Variants in NINL observed in about 807,000 individuals in gnomAD.
The protein encoded by NINL is ninein-like protein.
In NINL, 153 loss-of-function variants were observed where a neutral mutation model predicts 160.3. The ratio of observed to expected loss-of-function variants is 0.95; its 90% confidence interval spans 0.84 to 1.09. NINL has a LOEUF of 1.09. Among genes scored for constraint, NINL ranks in the 50% least tolerant of loss-of-function variants. The pLI, the probability that NINL is intolerant of heterozygous loss-of-function variation, is 0.00. For synonymous variants in NINL, 800 were observed against 734.8 expected, an observed-to-expected ratio of 1.09 and a Z score of -1.43; for missense variants, 1,829 against 1,764.0, an observed-to-expected ratio of 1.04 and a Z score of -0.66.
intron 1 of NINL, among the ~76,000 whole-genome samples, chr20:25,584,840 C>G (rs1030057200): frequency 6.6e-6 from 1 of 152,256 alleles, no homozygotes; most frequent in East Asian, 1.9e-4. Flanking sequence ...CAGAGACTCC[C>G]ACATGGTGTG....
rs117021067 is a variant in NINL, at chr20:25,510,837, G to A, written c.451-97C>T. The A allele has an allele frequency of 1.3e-4, 122 of 931,690 alleles. No homozygotes were observed. In the East Asian group the frequency reaches 2.8e-3, roughly 21 times the overall value. The allele number at this position is 931,690 out of a possible 1,614,324, so 57.7% of individuals were successfully genotyped here. A position where few individuals can be genotyped will look rare whatever the true frequency, so the allele number is the denominator to read the frequency against. ...TAGAGCAGGATGTTTGGGGAAGTGG[G>A]GGATGGCTGAGTATGGAGTCAATCC... On this transcript the variant is annotated intron_variant, in intron 4 of 23. Transcript: ENST00000278886.
At chr20:25,559,191 G>C (rs1189559721) in intron 1 of NINL, among the ~76,000 whole-genome samples, 1 of 152,196 alleles carries the variant, frequency 6.6e-6, no homozygotes, top group Non-Finnish European at 1.5e-5. Context: ...ATGAAGCCAA[G>C]TCATTGGCTT....
chr20:25,582,918 T>C (rs1278521659), intron 1 of NINL, among the ~76,000 whole-genome samples: 1 of 152,210 alleles, frequency 6.6e-6, no homozygotes, highest in Non-Finnish European at 1.5e-5. Context: ...CTGGGAAAAC[T>C]GGCTAGCCAT....
At chr20:25,462,836 C>G in intron 19 of NINL, 1 of 282,864 alleles carries the variant, frequency 3.5e-6, no homozygotes, top group Non-Finnish European at 6.7e-6. Flanking sequence ...GTTTTTTGGT[C>G]GAGACAGGGT....
At position 25,526,498 on chromosome 20, in the gene NINL, C is replaced by G; in HGVS notation, c.90G>C (p.Gln30His). ...GCTTAAGGCAGAGCTGGGTCAGCTCCTGGCGGTCCAGAAAGCCAGTCCCCG... is the reference window on the plus strand; with the variant it reads ...GCTTAAGGCAGAGCTGGGTCAGCTCGTGGCGGTCCAGAAAGCCAGTCCCCG... ...DTTGTGFLDR[Q>H]ELTQLCLKLH... is the part of the protein sequence containing the mutation. Residue 30 changes from glutamine (Q) to histidine (H), a missense_variant, in exon 2 of 24, where the codon CAG becomes CAC. Physicochemically the swap from Gln to His is conservative, Grantham distance 24. Coordinates refer to ENST00000278886, the MANE Select transcript of NINL (RefSeq NM_025176.6). 1 of 1,614,230 alleles carries G rather than the reference C, an allele frequency of 6.2e-7. No homozygotes were observed. Among genetic ancestry groups the G allele is most frequent in the Non-Finnish European group, 8.5e-7 (1 of 1,180,040 alleles).
chr20:25,489,460 C>A (rs931567590), intron 12 of NINL, 136 bp from the exon 13 acceptor site: 16 of 707,566 alleles, frequency 2.3e-5, no homozygotes, highest in Admixed American at 4.3e-5. Context: ...TAGCCGCCAT[C>A]CCCCCTCCTT....
chr20:25,487,157 C>A (rs1453855891), intron 13 of NINL, among the ~76,000 whole-genome samples: 1 of 152,224 alleles, frequency 6.6e-6, no homozygotes, highest in Admixed American at 6.5e-5. Flanking sequence ...AGTTTCAGAT[C>A]ATCACCCGTT....
chr20:25,453,520 G>A lies in NINL; in HGVS notation c.4080C>T (p.Leu1360=), dbSNP rs773408351. Residue 1360 remains leucine, a synonymous_variant, in exon 24 of 24, where the codon CTC becomes CTT. Transcript: ENST00000278886. ...TGAGAGCGCGAACTTTTTCTTCCAA[G>A]AGGCGGCTTTGTTTCTCGGCGCCTC... ...KQRGAEKQSR[L]LEEKVRALNK... 44 of 1,613,994 alleles carry A rather than the reference G, an allele frequency of 2.7e-5. No individual in the cohort carries two copies. Among genetic ancestry groups the A allele is most frequent in the Admixed American group, 3.3e-5 (2 of 60,004 alleles).
intron 1 of NINL, among the ~76,000 whole-genome samples, chr20:25,541,273 G>T (rs1301098770): frequency 6.6e-6 from 1 of 152,154 alleles, no homozygotes; most frequent in East Asian, 1.9e-4. Context: ...ACCTGATTAG[G>T]ACATTCTGAG....
intron 1 of NINL, among the ~76,000 whole-genome samples, chr20:25,561,332 C>T (rs944075504): frequency 1.3e-5 from 2 of 152,208 alleles, no homozygotes; most frequent in Non-Finnish European, 2.9e-5. Flanking sequence ...GTCTCGTTAA[C>T]TCAGTGCTCA....
chr20:25,516,366 G>C (rs903093523), intron 3 of NINL, among the ~76,000 whole-genome samples: 9 of 151,938 alleles, frequency 5.9e-5, no homozygotes, highest in African/African-American at 2.2e-4. Flanking sequence ...ATTCTAATTG[G>C]AAAAGAAAGA....
At position 25,560,440 on chromosome 20, in the gene NINL, CAGT is replaced by C. The variant is rs370940843; in HGVS notation, c.-12+25012_-12+25014del. On this transcript the variant is annotated intron_variant, in intron 1 of 23. Coordinates refer to ENST00000278886, the MANE Select transcript of NINL (RefSeq NM_025176.6). ...TGTAAATGACCAAACTGGCTAAGGT[CAGT>C]AGGCACTCATTATCCTAGAAGTCAG... 5.3e-4 allele frequency among the ~76,000 whole-genome samples: 81 copies of C among 152,310 alleles called. 2 individuals carry two copies. In the South Asian group the frequency reaches 0.016, roughly 31 times the overall value.
At chr20:25,519,021 C>T (rs2064214912) in intron 2 of NINL, among the ~76,000 whole-genome samples, 1 of 148,388 alleles carries the variant, frequency 6.7e-6, no homozygotes, top group South Asian at 2.1e-4. Context: ...CACTTGAACC[C>T]AGGAGGCGGA....
At chr20:25,503,461 C>T (rs930044884) in intron 7 of NINL, among the ~76,000 whole-genome samples, 4 of 143,692 alleles carry the variant, frequency 2.8e-5, no homozygotes, top group Non-Finnish European at 6.1e-5. Context: ...CAGCACGTTC[C>T]TCACCTGAGC....
In NINL at chr20:25,476,926, G is replaced by T. The variant is rs1487116291; in HGVS notation, c.2365C>A (p.Pro789Thr). Residue 789 changes from proline to threonine, a missense_variant, in exon 17 of 24, where the codon CCC becomes ACC. Coordinates refer to ENST00000278886, the MANE Select transcript of NINL (RefSeq NM_025176.6). ...LELERALKLQ[P>T]CASEKRAQMC... ...TGGGCGCGCTTCTCGCTCGCACAGG[G>T]CTGCAGCTTCAGTGCCCTCTCCAGC... 6.2e-7 allele frequency: 1 copy of T among 1,612,276 alleles called. No individual in the cohort carries two copies. The highest frequency in any genetic ancestry group is 1.1e-5 in the South Asian group (1 of 91,060).
intron 4 of NINL, 145 bp downstream of exon 4, chr20:25,512,689 T>G: frequency 2.0e-6 from 2 of 1,009,152 alleles, no homozygotes; most frequent in Non-Finnish European, 2.9e-6. Flanking sequence ...CTCCCCAAAG[T>G]GACCAAGCTT....
chr20:25,547,468 C>T lies in NINL; in HGVS notation c.-11-20870G>A, dbSNP rs114669474. ...AGTCGTTCAGATGCACAGGTCACAACGTGGGACTCATGACTGCCTTCTGAA... is the reference window on the plus strand; with the variant it reads ...AGTCGTTCAGATGCACAGGTCACAATGTGGGACTCATGACTGCCTTCTGAA... On this transcript the variant is annotated intron_variant, in intron 1 of 23. Coordinates refer to ENST00000278886, the MANE Select transcript of NINL (RefSeq NM_025176.6). Among the ~76,000 whole-genome samples, 639 of 152,252 alleles carry T rather than the reference C, an allele frequency of 4.2e-3. 2 individuals carry two copies. The highest frequency in any genetic ancestry group is 8.0e-3 in the African/African-American group (333 of 41,542).
At chr20:25,532,888 G>A (rs192661945) in intron 1 of NINL, among the ~76,000 whole-genome samples, 275 of 152,284 alleles carry the variant, frequency 1.8e-3, no homozygotes, top group African/African-American at 5.5e-3. Flanking sequence ...GGGGCAAAGC[G>A]TCTTTCCGTA....
At chr20:25,485,737 A>G (rs766753693) in intron 13 of NINL, among the ~76,000 whole-genome samples, 3 of 152,206 alleles carry the variant, frequency 2.0e-5, no homozygotes, top group African/African-American at 4.8e-5. Context: ...GTAAAAATCT[A>G]TTATGAACTA....
Sources: allele counts gnomAD v4.1 joint callset (sites outside exome capture counted in the v4.1 genomes callset), GRCh38; gene constraint gnomAD v4.1.1; transcripts MANE v1.5; gene names NCBI Gene and HGNC (gene_info 2026-07-23, HGNC 2026-07-21).